The following CARMIL1 variants were observed in gnomAD, a reference collection of about 807,000 sequenced individuals.
The protein encoded by CARMIL1 is F-actin-uncapping protein LRRC16A.
A neutral mutation model predicts 177.1 loss-of-function variants in CARMIL1; 90 were observed. The observed-to-expected ratio is 0.51, with a 90% CI of 0.43 to 0.61. The LOEUF (loss-of-function observed/expected upper bound fraction) is 0.61, where lower values mean the gene tolerates loss of function less well. CARMIL1 is among the 20% of genes least tolerant of loss of function. The pLI, the probability that CARMIL1 is intolerant of heterozygous loss-of-function variation, is 0.00. For missense variants in CARMIL1, 1,380 were observed against 1,667.0 expected (o/e 0.83, Z 3.00); for synonymous variants, 577 against 606.2 (o/e 0.95, Z 0.71).
At chr6:25,340,745 CAAAGG>C (rs1786816808) in intron 2 of CARMIL1, among the ~76,000 whole-genome samples, 1 of 131,214 alleles carries the variant, frequency 7.6e-6, no homozygotes, top group African/African-American at 2.9e-5. Flanking sequence ...AGAAACCTCA[CAAAGG>C]AAAGCTGGAG....
chr6:25,598,636 A>T (rs1482539810), intron 32 of CARMIL1, among the ~76,000 whole-genome samples: 1 of 150,744 alleles, frequency 6.6e-6, no homozygotes, highest in Admixed American at 6.6e-5. Flanking sequence ...TTTCTGGGAG[A>T]TTTCCTCAGT....
intron 2 of CARMIL1, among the ~76,000 whole-genome samples, chr6:25,318,825 C>G (rs1784468494): frequency 1.3e-5 from 2 of 152,120 alleles, no homozygotes; most frequent in South Asian, 2.1e-4. Flanking sequence ...CCCATCTCCT[C>G]AAAGCCATTG....
chr6:25,548,552 C>T (rs1301453075), intron 26 of CARMIL1, among the ~76,000 whole-genome samples: 5 of 152,020 alleles, frequency 3.3e-5, no homozygotes, highest in Non-Finnish European at 7.4e-5. Context: ...TTTGAAGCCA[C>T]GGGAAGGATG....
chr6:25,334,172 T>C (rs1454798991), intron 2 of CARMIL1, among the ~76,000 whole-genome samples: 2 of 152,218 alleles, frequency 1.3e-5, no homozygotes, highest in Non-Finnish European at 2.9e-5. Flanking sequence ...CGCTATGAGC[T>C]GCAAGGTTTC....
intron 12 of CARMIL1, among the ~76,000 whole-genome samples, chr6:25,484,330 T>C (rs754394312): frequency 6.6e-6 from 1 of 152,246 alleles, no homozygotes; most frequent in Non-Finnish European, 1.5e-5. Flanking sequence ...GATGATTTTA[T>C]ATCCATGCCA....
chr6:25,362,628 C>A (rs547065021), intron 2 of CARMIL1, among the ~76,000 whole-genome samples: 45 of 152,028 alleles, frequency 3.0e-4, no homozygotes, highest in African/African-American at 1.1e-3. Flanking sequence ...GAGCTGAGAT[C>A]GTGCTATTGC....
In CARMIL1 at chr6:25,515,669, C is replaced by A; in HGVS notation, c.1633-6C>A. Reference sequence around the variant, plus strand: ...TGCTGAGTGCCGTGTGTCATTTGCTCCGCAGCCTCTGCAGTCCTTGTCCCT... The same window carrying A: ...TGCTGAGTGCCGTGTGTCATTTGCTACGCAGCCTCTGCAGTCCTTGTCCCT... On this transcript the variant is annotated splice_polypyrimidine_tract_variant and splice_region_variant and intron_variant, in intron 20 of 36. Transcript: ENST00000329474. The surrounding 1 kb of genome is among the most constrained non-coding windows in gnomAD (Gnocchi z 5.0). 1 of 1,594,902 alleles carries A rather than the reference C, an allele frequency of 6.3e-7. No homozygotes were observed. Among genetic ancestry groups the A allele is most frequent in the East Asian group, 2.3e-5 (1 of 44,018 alleles).
At chr6:25,293,154 A>C (rs1008844673) in intron 2 of CARMIL1, among the ~76,000 whole-genome samples, 6 of 150,494 alleles carry the variant, frequency 4.0e-5, no homozygotes, top group Non-Finnish European at 5.9e-5. Context: ...GGGGTATATC[A>C]TTGTCTAAAT....
intron 23 of CARMIL1, among the ~76,000 whole-genome samples, chr6:25,525,152 A>C (rs564450445): frequency 6.6e-6 from 1 of 152,322 alleles, no homozygotes; most frequent in Admixed American, 6.5e-5. Context: ...AAGCAGGATA[A>C]ATACCAAAAA....
intron 31 of CARMIL1, among the ~76,000 whole-genome samples, chr6:25,583,457 T>C (rs1813319784): frequency 6.7e-6 from 1 of 148,616 alleles, no homozygotes; most frequent in African/African-American, 2.4e-5. Context: ...GCCTGTGATT[T>C]ATTATTCATG....
chr6:25,485,256 G>C (rs142547793), intron 12 of CARMIL1, among the ~76,000 whole-genome samples: 1 of 152,032 alleles, frequency 6.6e-6, no homozygotes, highest in Non-Finnish European at 1.5e-5. Context: ...GCAAAGCTGG[G>C]CTTCTCCACC....
At chr6:25,591,692 A>G (rs1221830227) in intron 31 of CARMIL1, among the ~76,000 whole-genome samples, 3 of 152,230 alleles carry the variant, frequency 2.0e-5, no homozygotes, top group Non-Finnish European at 2.9e-5. Context: ...CTCTTCACGT[A>G]GGCTGATGCC....
intron 2 of CARMIL1, among the ~76,000 whole-genome samples, chr6:25,377,536 C>A (rs1581731306): frequency 6.6e-6 from 1 of 152,264 alleles, no homozygotes; most frequent in Non-Finnish European, 1.5e-5. Context: ...TCCAAGGAAT[C>A]CAGTGATGTG....
intron 20 of CARMIL1, among the ~76,000 whole-genome samples, chr6:25,512,736 C>A (rs1805577598): frequency 2.0e-5 from 3 of 152,176 alleles, no homozygotes; most frequent in African/African-American, 7.2e-5. Context: ...GTGTCACCTT[C>A]AACTATAGAC....
At chr6:25,315,427 C>T (rs6913886) in intron 2 of CARMIL1, among the ~76,000 whole-genome samples, 31,699 of 152,160 alleles carry the variant, frequency 0.21, 4,254 homozygotes, top group East Asian at 0.4. Flanking sequence ...GCAGCTTGGT[C>T]GCTCTCTCTG....
rs754661928 is a variant in CARMIL1, at chr6:25,482,322, A to G, written c.940A>G (p.Lys314Glu). The G allele has an allele frequency of 1.3e-6, 2 of 1,575,104 alleles. No individual in the cohort carries two copies. The highest frequency in any genetic ancestry group is 1.7e-6 in the Non-Finnish European group (2 of 1,152,136). ...GGGATTAAAGCACTTAAATTTATCT[A>G]AAACCTCATTATCACCTAAAGGTAC... Reference protein sequence around the residue: ...PKGLKHLNLSKTSLSPKGVNS... With the variant: ...PKGLKHLNLSETSLSPKGVNS... The change falls in exon 12 of 37, where the codon AAA becomes GAA. Residue 314 changes from lysine (K) to glutamate (E), a missense_variant. Coordinates refer to ENST00000329474, the MANE Select transcript of CARMIL1 (RefSeq NM_017640.6).
chr6:25,327,181 GGA>G (rs1230859605), intron 2 of CARMIL1, among the ~76,000 whole-genome samples: 6 of 152,054 alleles, frequency 3.9e-5, no homozygotes, highest in South Asian at 4.2e-4. Context: ...GAGATAGCAA[GGA>G]GAGAGGGTGC....
intron 2 of CARMIL1, among the ~76,000 whole-genome samples, chr6:25,414,414 G>A (rs1795191929): frequency 6.6e-6 from 1 of 152,166 alleles, no homozygotes; most frequent in Admixed American, 6.5e-5. Flanking sequence ...CACTGAAGAA[G>A]TATTCATTAT....
chr6:25,377,571 T>G (rs1791114282), intron 2 of CARMIL1, among the ~76,000 whole-genome samples: 1 of 152,064 alleles, frequency 6.6e-6, no homozygotes, highest in African/African-American at 2.4e-5. Flanking sequence ...ATCCCAGCAG[T>G]GGGTACCAGC....
Sources: allele counts gnomAD v4.1 joint callset (sites outside exome capture counted in the v4.1 genomes callset), GRCh38; gene constraint gnomAD v4.1.1; non-coding constraint Gnocchi (gnomAD v3.1); transcripts MANE v1.5; gene names NCBI Gene and HGNC (gene_info 2026-07-23, HGNC 2026-07-21).